The following BAZ2B variants were observed in gnomAD, a reference collection of about 807,000 sequenced individuals.
BAZ2B encodes bromodomain adjacent to zinc finger domain protein 2B.
A neutral mutation model predicts 246.0 loss-of-function variants in BAZ2B; 91 were observed. That is an observed-to-expected ratio of 0.37 (90% CI 0.31 to 0.44). BAZ2B has a LOEUF of 0.44. Among genes scored for constraint, BAZ2B ranks in the 20% least tolerant of loss-of-function variants. The pLI is 1.00. For synonymous variants in BAZ2B, 855 were observed against 860.0 expected (o/e 0.99, Z 0.10); for missense variants, 2,332 against 2,533.7 (o/e 0.92, Z 1.71).
intron 1 of BAZ2B, among the ~76,000 whole-genome samples, chr2:159,610,998 G>A (rs942186165): frequency 2.0e-5 from 3 of 151,778 alleles, no homozygotes; most frequent in Middle Eastern, 3.4e-3. Context: ...TACTTTTCCT[G>A]TTTTCAATAA....
At chr2:159,416,431 T>C (rs1473965052) in intron 13 of BAZ2B, among the ~76,000 whole-genome samples, 5 of 152,196 alleles carry the variant, frequency 3.3e-5, no homozygotes, top group Non-Finnish European at 7.4e-5. Flanking sequence ...CATTTTTTTA[T>C]TATGTTCTTA....
intron 1 of BAZ2B, among the ~76,000 whole-genome samples, chr2:159,571,316 A>G (rs1683958593): frequency 6.6e-6 from 1 of 152,190 alleles, no homozygotes; most frequent in Non-Finnish European, 1.5e-5. Flanking sequence ...CATGTGTGGG[A>G]AGCTTAGCCA....
Position 159,394,536 on chromosome 2 carries a change from C to T in BAZ2B, c.3075+1233G>A, listed in dbSNP as rs2063751845. 3.9e-5 allele frequency among the ~76,000 whole-genome samples: 6 copies of T among 152,180 alleles called. No homozygotes were observed. The South Asian group carries it at 1.2e-3, about 32-fold the overall frequency. On this transcript the variant is annotated intron_variant, in intron 20 of 36. Transcript: ENST00000392783. ...AAGTGTTGGAGTAAAACTTCCATAA[C>T]CTTTAGGAAACGTCACAGAAAGTGA...
intron 27 of BAZ2B, among the ~76,000 whole-genome samples, chr2:159,368,951 T>A (rs1380184921): frequency 6.6e-6 from 1 of 151,632 alleles, no homozygotes; most frequent in African/African-American, 2.4e-5. Flanking sequence ...CTTATTTAAA[T>A]CTTAAAGTAT....
chr2:159,359,165 G>A (rs1004797711), intron 27 of BAZ2B, among the ~76,000 whole-genome samples: 3 of 152,142 alleles, frequency 2.0e-5, no homozygotes, highest in Admixed American at 2.0e-4. Context: ...AATGAATCCA[G>A]GAGCTGGTTT....
At chr2:159,391,623 T>C (rs1467952882) in intron 20 of BAZ2B, among the ~76,000 whole-genome samples, 2 of 152,138 alleles carry the variant, frequency 1.3e-5, no homozygotes, top group African/African-American at 2.4e-5. Context: ...GGTACATACA[T>C]ACTCAATAGA....
At chr2:159,446,750 G>A (rs1250997092) in intron 6 of BAZ2B, 32 bp downstream of exon 6, 6 of 1,543,644 alleles carry the variant, frequency 3.9e-6, no homozygotes, top group Non-Finnish European at 5.3e-6. Flanking sequence ...ATATAGATCT[G>A]TTATATATTA....
At chr2:159,516,670 G>T (rs972962551) in intron 2 of BAZ2B, 5 of 152,528 alleles carry the variant, frequency 3.3e-5, no homozygotes, top group Admixed American at 2.6e-4. Context: ...AAACTGAAAG[G>T]CAGGTGGAGC....
At chr2:159,644,875 T>C in the BAZ2B span, among the ~76,000 whole-genome samples, 1 of 152,248 alleles carries the variant, frequency 6.6e-6, no homozygotes, top group Non-Finnish European at 1.5e-5. Context: ...AATCTCCATC[T>C]TCTGAAAACT....
chr2:159,528,745 T>G (rs1380522706), intron 2 of BAZ2B, among the ~76,000 whole-genome samples: 1 of 151,856 alleles, frequency 6.6e-6, no homozygotes, highest in Non-Finnish European at 1.5e-5. Context: ...GAAAATCCTT[T>G]TATTAACCTC....
the BAZ2B span, among the ~76,000 whole-genome samples, chr2:159,669,596 A>G: frequency 3.3e-5 from 5 of 151,996 alleles, no homozygotes; most frequent in Admixed American, 3.3e-4. Context: ...GGCATTTGTG[A>G]TTACATTTTC....
intron 8 of BAZ2B, among the ~76,000 whole-genome samples, chr2:159,436,433 G>C (rs2072323355): frequency 6.6e-6 from 1 of 152,152 alleles, no homozygotes. Flanking sequence ...CTGTATAGCA[G>C]CAAATCTCTT....
intron 34 of BAZ2B, among the ~76,000 whole-genome samples, chr2:159,331,828 T>C (rs1157189395): frequency 1.3e-5 from 2 of 152,014 alleles, no homozygotes; most frequent in East Asian, 3.8e-4. Flanking sequence ...GAAGCAATGA[T>C]TGGGATAATG....
At position 159,383,619 on chromosome 2, in the gene BAZ2B, C is replaced by T; in HGVS notation, c.3748G>A (p.Gly1250Ser). Residue 1250 changes from glycine to serine, a missense_variant, in exon 24 of 37, where the codon GGT becomes AGT. By Grantham distance (56) the Gly-to-Ser change is moderately conservative (BLOSUM62 0). This residue lies in a region of BAZ2B where 328 missense variants were observed against 410.4 expected (regional missense o/e 0.80). Coordinates refer to ENST00000392783, the MANE Select transcript of BAZ2B (RefSeq NM_013450.4). ...AACAGGACTTACTTGCGGAGTTTACCTTCTACCACCCATTTATCTCTCCTC... is the reference window on the plus strand; with the variant it reads ...AACAGGACTTACTTGCGGAGTTTACTTTCTACCACCCATTTATCTCTCCTC... ...NLRRDKWVVE[G>S]KLRKLRIIHA... The T allele has an allele frequency of 3.1e-6, 5 of 1,611,242 alleles. No individual in the cohort carries two copies. Among genetic ancestry groups the T allele is most frequent in the Non-Finnish European group, 4.2e-6 (5 of 1,178,384 alleles).
At position 159,337,025 on chromosome 2, in the gene BAZ2B, C is replaced by T; in HGVS notation, c.5713G>A (p.Glu1905Lys). The T allele has an allele frequency of 6.2e-7, 1 of 1,612,382 alleles. No homozygotes were observed. The change falls in exon 33 of 37, where the codon GAA becomes AAA. Residue 1905 changes from glutamate to lysine, a missense_variant. Around this residue, in one of 9 missense-constraint regions of BAZ2B, gnomAD observed 53 missense variants for 62.0 expected, o/e 0.86. Transcript: ENST00000392783. ...GLRVWRRALS[E>K]ARSAAQVALC... is the part of the protein sequence containing the mutation. Reference sequence around the variant, plus strand: ...GCTACCTGTGCAGCACTGCGAGCTTCTGATAATGCCCTTCTCCATACCCTG... The same window carrying T: ...GCTACCTGTGCAGCACTGCGAGCTTTTGATAATGCCCTTCTCCATACCCTG...
chr2:159,337,781 C>T lies in BAZ2B; in HGVS notation c.5455-9G>A. 1.2e-6 allele frequency: 2 copies of T among 1,609,898 alleles called. No individual in the cohort carries two copies. The highest frequency in any genetic ancestry group is 1.7e-6 in the Non-Finnish European group (2 of 1,177,094). ...TCTGGACACATCCAACCCTATATAT[C>T]AAGAGAATAGTGTTATTATGGTTTC... On this transcript the variant is annotated splice_polypyrimidine_tract_variant and intron_variant, in intron 31 of 36. Transcript: ENST00000392783.
intron 2 of BAZ2B, 21 bp from the exon 3 acceptor site, chr2:159,478,742 A>G (rs765313235): frequency 6.9e-7 from 1 of 1,455,438 alleles, no homozygotes; most frequent in Non-Finnish European, 9.1e-7. Flanking sequence ...GGAAAATGTT[A>G]ATTCTCAGTA....
chr2:159,627,359 C>CAAA, the BAZ2B span, among the ~76,000 whole-genome samples: 4 of 126,950 alleles, frequency 3.2e-5, no homozygotes, highest in East Asian at 8.8e-4. Context: ...GCAGACACAC[C>CAAA]AAAAAAAAAA....
chr2:159,658,686 T>C, the BAZ2B span, among the ~76,000 whole-genome samples: 5 of 152,054 alleles, frequency 3.3e-5, no homozygotes, highest in Non-Finnish European at 7.4e-5. Context: ...GTCTGGATAA[T>C]TCTTTGTATT....
Sources: allele counts gnomAD v4.1 joint callset (sites outside exome capture counted in the v4.1 genomes callset), GRCh38; gene constraint gnomAD v4.1.1; regional missense constraint gnomAD v4.1.1; transcripts MANE v1.5; gene names NCBI Gene and HGNC (gene_info 2026-07-23, HGNC 2026-07-21).